Variants in VPS13B observed in about 807,000 individuals in gnomAD.
The protein encoded by VPS13B is vacuolar protein sorting 13 homolog B.
A neutral mutation model predicts 426.4 loss-of-function variants in VPS13B; 285 were observed. The ratio of observed to expected loss-of-function variants is 0.67; its 90% CI spans 0.61 to 0.74. The LOEUF (loss-of-function observed/expected upper bound fraction) is 0.74, where lower values mean the gene tolerates loss of function less well. VPS13B is among the 30% of genes least tolerant of loss of function. VPS13B has a pLI of 0.00. For synonymous variants in VPS13B, 1,676 were observed against 1,676.4 expected (o/e 1.00, Z 0.01); for missense variants, 4,537 against 4,782.6 (o/e 0.95, Z 1.51).
chr8:99,491,324 T>A (rs1820591489), intron 25 of VPS13B, among the ~76,000 whole-genome samples: 1 of 152,228 alleles, frequency 6.6e-6, no homozygotes, highest in Non-Finnish European at 1.5e-5. Context: ...TTGGTGAATC[T>A]GACAATTACG....
intron 3 of VPS13B, among the ~76,000 whole-genome samples, chr8:99,044,467 T>C (rs1271661471): frequency 1.3e-5 from 2 of 151,718 alleles, no homozygotes; most frequent in African/African-American, 4.8e-5. Context: ...TAACATACAA[T>C]CAACCATTTT....
intron 17 of VPS13B, among the ~76,000 whole-genome samples, chr8:99,255,043 C>T (rs924154275): frequency 2.6e-5 from 4 of 152,104 alleles, no homozygotes; most frequent in African/African-American, 9.6e-5. Flanking sequence ...ACTCTTTTCT[C>T]TTTTTTTCCC....
intron 19 of VPS13B, among the ~76,000 whole-genome samples, chr8:99,327,466 T>A (rs1810335979): frequency 6.6e-6 from 1 of 152,038 alleles, no homozygotes; most frequent in African/African-American, 2.4e-5. Context: ...TCAAGATTAA[T>A]CAGACACAAG....
chr8:99,659,623 C>T (rs1788157), intron 34 of VPS13B, among the ~76,000 whole-genome samples: 2 of 151,976 alleles, frequency 1.3e-5, no homozygotes, highest in African/African-American at 4.8e-5. Flanking sequence ...CAAGGATAAC[C>T]ATTCTCAGCG....
intron 33 of VPS13B, among the ~76,000 whole-genome samples, chr8:99,608,520 A>T (rs1827701108): frequency 6.6e-6 from 1 of 152,192 alleles, no homozygotes; most frequent in African/African-American, 2.4e-5. Context: ...TGCACATTTA[A>T]AATGTACAGC....
intron 33 of VPS13B, among the ~76,000 whole-genome samples, chr8:99,616,948 C>T (rs1311183432): frequency 6.6e-6 from 1 of 152,076 alleles, no homozygotes; most frequent in Non-Finnish European, 1.5e-5. Context: ...GGGTTAATAA[C>T]ATATATGAAA....
chr8:99,228,998 C>G (rs1816170614), intron 17 of VPS13B, among the ~76,000 whole-genome samples: 1 of 152,062 alleles, frequency 6.6e-6, no homozygotes, highest in South Asian at 2.1e-4. Context: ...AATGAATCTT[C>G]TGTGCGCTGT....
chr8:99,589,123 C>A (rs1040189562), intron 33 of VPS13B, among the ~76,000 whole-genome samples: 1 of 151,668 alleles, frequency 6.6e-6, no homozygotes, highest in African/African-American at 2.4e-5. Flanking sequence ...TATGTTGAAC[C>A]AGCCTTGCAT....
chr8:99,447,774 TA>T (rs1817993494), intron 23 of VPS13B, among the ~76,000 whole-genome samples: 3 of 152,158 alleles, frequency 2.0e-5, no homozygotes, highest in Admixed American at 6.6e-5. Flanking sequence ...TAGTCATTTT[TA>T]TTTTTTTAGG....
intron 19 of VPS13B, among the ~76,000 whole-genome samples, chr8:99,280,670 ATC>A (rs1242951134): frequency 2.0e-5 from 3 of 152,006 alleles, no homozygotes. Context: ...TTCTGCATAT[ATC>A]TACCACTAGA....
Position 99,809,399 on chromosome 8 carries a change from T to TG in VPS13B, c.7970dup (p.Asn2658GlnfsTer18). ...GCTGTTACACATCTGTATTGAAGGT[T>TG]GGGGCAACTGGCGTTGGTCAGAGCC... On this transcript the variant is annotated frameshift_variant, in exon 44 of 62. Coordinates refer to ENST00000357162, the MANE Select transcript of VPS13B (RefSeq NM_152564.5). LOFTEE classifies it high-confidence loss of function. 1 of 1,613,990 alleles carries TG rather than the reference T, an allele frequency of 6.2e-7. No homozygotes were observed. The highest frequency in any genetic ancestry group is 8.5e-7 in the Non-Finnish European group (1 of 1,179,942).
chr8:99,107,023 T>C (rs1847083308), intron 5 of VPS13B, among the ~76,000 whole-genome samples: 1 of 152,200 alleles, frequency 6.6e-6, no homozygotes, highest in Non-Finnish European at 1.5e-5. Context: ...TATACATACA[T>C]TTCTGTTGGG....
chr8:99,837,754 C>T (rs1460145271), intron 54 of VPS13B, among the ~76,000 whole-genome samples: 1 of 152,110 alleles, frequency 6.6e-6, no homozygotes, highest in African/African-American at 2.4e-5. Context: ...AGTAATATCC[C>T]AGGGCATATA....
chr8:99,432,200 A>G (rs1817150506), intron 22 of VPS13B, among the ~76,000 whole-genome samples: 2 of 152,088 alleles, frequency 1.3e-5, no homozygotes, highest in Admixed American at 6.6e-5. Flanking sequence ...TAAAATATAC[A>G]ATTAGATGCT....
At position 99,358,626 on chromosome 8, in the gene VPS13B, T is replaced by C. The variant is rs1812320852; in HGVS notation, c.2825-25582T>C. On this transcript the variant is annotated intron_variant, in intron 19 of 61. Coordinates refer to ENST00000357162, the MANE Select transcript of VPS13B (RefSeq NM_152564.5). ...AATTGTTAATGTTTTGCTTTTTCTT[T>C]TGGACTAGAGATTGTTTCAGTTGGT... 2.6e-5 allele frequency among the ~76,000 whole-genome samples: 4 copies of C among 152,346 alleles called. No individual in the cohort carries two copies. The South Asian group carries it at 8.3e-4, about 32-fold the overall frequency.
intron 2 of VPS13B, among the ~76,000 whole-genome samples, chr8:99,019,831 A>G (rs926842136): frequency 6.6e-6 from 1 of 152,178 alleles, no homozygotes; most frequent in Non-Finnish European, 1.5e-5. Context: ...CTTTGTTTTT[A>G]TGTCTAAATA....
At chr8:99,387,005 C>A (rs1356069579) in intron 20 of VPS13B, among the ~76,000 whole-genome samples, 1 of 152,052 alleles carries the variant, frequency 6.6e-6, no homozygotes, top group East Asian at 1.9e-4. Flanking sequence ...CTAACAAATA[C>A]CATAACCCCA....
At chr8:99,085,223 C>G (rs1243816144) in intron 3 of VPS13B, among the ~76,000 whole-genome samples, 1 of 152,088 alleles carries the variant, frequency 6.6e-6, no homozygotes, top group African/African-American at 2.4e-5. Context: ...TTCTTTGTCT[C>G]TTTTGATCTT....
intron 19 of VPS13B, among the ~76,000 whole-genome samples, chr8:99,344,468 A>G (rs187968540): frequency 2.6e-5 from 4 of 152,228 alleles, no homozygotes; most frequent in Non-Finnish European, 4.4e-5. Context: ...GCTGAGTTAT[A>G]GGGTAGGTAT....
Sources: allele counts gnomAD v4.1 joint callset (sites outside exome capture counted in the v4.1 genomes callset), GRCh38; gene constraint gnomAD v4.1.1; transcripts MANE v1.5; gene names NCBI Gene and HGNC (gene_info 2026-07-23, HGNC 2026-07-21).